FRS2: variants seen among roughly 807,000 people sequenced by gnomAD.
FRS2 encodes the protein fibroblast growth factor receptor substrate 2.
Under a neutral mutation model 43.9 loss-of-function variants are expected in FRS2, and 8 were observed. That is an observed-to-expected ratio of 0.18 (90% CI 0.11 to 0.33). FRS2 has a LOEUF of 0.33. FRS2 is among the 10% of genes least tolerant of loss of function. The pLI is 1.00. For missense variants in FRS2, 534 were observed against 627.6 expected (o/e 0.85, Z 1.59); for synonymous variants, 219 against 220.3 (o/e 0.99, Z 0.05).
In FRS2 at chr12:69,574,553, G is replaced by T. The variant is rs1411467996; in HGVS notation, c.1125G>T (p.Lys375Asn). 1 of 1,614,064 alleles carries T rather than the reference G, an allele frequency of 6.2e-7. No homozygotes were observed. The highest frequency in any genetic ancestry group is 1.1e-5 in the South Asian group (1 of 91,086). ...ATGAAGATGACAATTTAGGACCAAAGACCCCATCTCTAAATGGCTACCATA... is the reference window on the plus strand; with the variant it reads ...ATGAAGATGACAATTTAGGACCAAATACCCCATCTCTAAATGGCTACCATA... Reference protein sequence around the residue: ...SRDEDDNLGPKTPSLNGYHNN... With the variant: ...SRDEDDNLGPNTPSLNGYHNN... The change falls in exon 9 of 9, where the codon AAG becomes AAT. Residue 375 changes from lysine (K) to asparagine (N), a missense_variant. By Grantham distance (94) the Lys-to-Asn change is moderately conservative (BLOSUM62 0). Coordinates refer to ENST00000549921, the MANE Select transcript of FRS2 (RefSeq NM_001278356.2).
At chr12:69,511,752 A>G (rs1040945260) in intron 1 of FRS2, among the ~76,000 whole-genome samples, 5 of 152,154 alleles carry the variant, frequency 3.3e-5, no homozygotes, top group Admixed American at 3.3e-4. Flanking sequence ...AATTCTGTAA[A>G]TCTTGTTTCT....
At chr12:69,544,098 G>T (rs1878155490) in intron 3 of FRS2, among the ~76,000 whole-genome samples, 1 of 149,986 alleles carries the variant, frequency 6.7e-6, no homozygotes, top group Non-Finnish European at 1.5e-5. Context: ...GGGGTGGGGA[G>T]GCTTTCTTTT....
At chr12:69,521,436 A>G (rs1295336725) in intron 1 of FRS2, among the ~76,000 whole-genome samples, 1 of 152,044 alleles carries the variant, frequency 6.6e-6, no homozygotes, top group Non-Finnish European at 1.5e-5. Context: ...TTCCAATACT[A>G]TGTTGAATAG....
intron 1 of FRS2, among the ~76,000 whole-genome samples, chr12:69,476,753 C>CGGGGGGGGGGGGGGGG (rs60543134): frequency 2.5e-5 from 2 of 80,110 alleles, no homozygotes; most frequent in Non-Finnish European, 2.5e-5. Context: ...GGGGGAGGGA[C>CGGGGGGGGGGGGGGGG]GGGGGGGGGT....
chr12:69,538,223 A>ATATATATATATATATG (rs1194377826), intron 3 of FRS2, among the ~76,000 whole-genome samples: 165 of 100,120 alleles, frequency 1.6e-3, no homozygotes, highest in African/African-American at 6.1e-3. Context: ...ATATATATAT[A>ATATATATATATATATG]GCATTGCAGA....
chr12:69,554,872 C>CTT (rs747422811), intron 3 of FRS2, among the ~76,000 whole-genome samples: 7 of 133,328 alleles, frequency 5.3e-5, no homozygotes, highest in Admixed American at 7.6e-5. Flanking sequence ...GCCCAGCTAA[C>CTT]TTTTTTTTTT....
chr12:69,499,129 T>G (rs1308680125), intron 1 of FRS2, among the ~76,000 whole-genome samples: 1 of 151,994 alleles, frequency 6.6e-6, no homozygotes, highest in African/African-American at 2.4e-5. Context: ...GCTGGCAGAG[T>G]AGGCAACTCT....
At chr12:69,499,435 T>C (rs1873226973) in intron 1 of FRS2, among the ~76,000 whole-genome samples, 1 of 152,162 alleles carries the variant, frequency 6.6e-6, no homozygotes, top group Non-Finnish European at 1.5e-5. Flanking sequence ...AGATGGAACT[T>C]ACTCATTTCT....
chr12:69,488,471 C>T (rs1287707132), intron 1 of FRS2, among the ~76,000 whole-genome samples: 1 of 152,148 alleles, frequency 6.6e-6, no homozygotes. Context: ...TGCTGTTGCA[C>T]ACTTAATAGA....
Position 69,477,541 on chromosome 12 carries a change from C to T in FRS2, c.-261+7011C>T, listed in dbSNP as rs915120913. ...TCGTGATCTGCCTGCCTCGGCCTCC[C>T]AAAGTGCTGGGATTACAGGCGTGAG... On this transcript the variant is annotated intron_variant, in intron 1 of 8. Transcript: ENST00000549921. Among the ~76,000 whole-genome samples the T allele has an allele frequency of 2.0e-5, 3 of 151,274 alleles. No homozygotes were observed. The South Asian group carries it at 6.2e-4, about 31-fold the overall frequency.
chr12:69,573,918 T>A lies in FRS2; in HGVS notation c.577-87T>A, dbSNP rs141245823. 1,622 of 801,184 alleles carry A rather than the reference T, an allele frequency of 2.0e-3. 12 individuals carry two copies. In the African/African-American group the frequency reaches 0.024, roughly 12 times the overall value. 49.6% of individuals were successfully genotyped at this position (801,184 alleles called of 1,614,324 possible). ...AGAAAGTTAATACAGTTAACTGTTG[T>A]CAATAAAATTAACTGATGTGGTCAG... is the stretch of plus-strand genomic sequence containing the variant. On this transcript the variant is annotated intron_variant, in intron 8 of 8. Coordinates refer to ENST00000549921, the MANE Select transcript of FRS2 (RefSeq NM_001278356.2).
At chr12:69,552,286 G>C (rs1269860415) in intron 3 of FRS2, among the ~76,000 whole-genome samples, 2 of 106,620 alleles carry the variant, frequency 1.9e-5, no homozygotes, top group Non-Finnish European at 1.8e-5. Flanking sequence ...TGGGCAACAA[G>C]AGCGAAACTC....
At chr12:69,532,091 T>C (rs1489647935) in intron 3 of FRS2, 35 bp downstream of exon 3, 1 of 152,594 alleles carries the variant, frequency 6.6e-6, no homozygotes, top group Non-Finnish European at 1.5e-5. Context: ...AAAACTAATA[T>C]TGTTGAGTAA....
intron 6 of FRS2, among the ~76,000 whole-genome samples, chr12:69,570,821 T>G (rs1224174318): frequency 6.6e-6 from 1 of 152,244 alleles, no homozygotes; most frequent in African/African-American, 2.4e-5. Flanking sequence ...CCTTGACAAG[T>G]TACAGGACTT....
chr12:69,485,162 CAG>C (rs1203277008), intron 1 of FRS2, among the ~76,000 whole-genome samples: 2 of 129,596 alleles, frequency 1.5e-5, no homozygotes, highest in Non-Finnish European at 3.1e-5. Context: ...ACTCTTAAAA[CAG>C]AAGTTTACTT....
chr12:69,571,445 CT>C lies in FRS2; in HGVS notation c.412+15del. The C allele has an allele frequency of 1.9e-6, 3 of 1,601,314 alleles. No individual in the cohort carries two copies. The highest frequency in any genetic ancestry group is 8.5e-7 in the Non-Finnish European group (1 of 1,171,206). ...CTCGAACACCTACAAGTAAGTACCCCTTTTCCCTTTCACATTTTGAATAACA... is the reference window on the plus strand; with the variant it reads ...CTCGAACACCTACAAGTAAGTACCCCTTTCCCTTTCACATTTTGAATAACA... On this transcript the variant is annotated intron_variant, in intron 7 of 8. Coordinates refer to ENST00000549921, the MANE Select transcript of FRS2 (RefSeq NM_001278356.2).
chr12:69,557,594 T>TTGTGTGTGTGTGTGTGTGTGTG (rs376896422), intron 3 of FRS2, among the ~76,000 whole-genome samples: 227 of 137,046 alleles, frequency 1.7e-3, no homozygotes, highest in African/African-American at 3.1e-3. Flanking sequence ...TGAAGGTTGA[T>TTGTGTGTGTGTGTGTGTGTGTG]TGTGTGTGTG....
At chr12:69,493,737 CAAAA>C (rs1401899247) in intron 1 of FRS2, among the ~76,000 whole-genome samples, 1 of 152,026 alleles carries the variant, frequency 6.6e-6, no homozygotes, top group Non-Finnish European at 1.5e-5. Flanking sequence ...CAAAACAAAA[CAAAA>C]AAGAAATTTA....
At chr12:69,522,065 C>A (rs1032876721) in intron 1 of FRS2, among the ~76,000 whole-genome samples, 9 of 152,150 alleles carry the variant, frequency 5.9e-5, no homozygotes, top group Non-Finnish European at 4.4e-5. Context: ...ACTTGCATCC[C>A]AGGGATAAAG....
Sources: gnomAD v4.1 joint callset for allele counts (sites outside exome capture counted in the v4.1 genomes callset) on GRCh38, gnomAD v4.1.1 for gene constraint, MANE v1.5 for transcripts, NCBI Gene and HGNC (gene_info 2026-07-23, HGNC 2026-07-21) for gene names.